Variants in MBD5 observed in about 807,000 individuals in gnomAD.
MBD5 encodes the protein methyl-CpG-binding domain protein 5.
MBD5 carries 13 observed loss-of-function variants against 117.3 expected under a neutral mutation model. That is an observed-to-expected ratio of 0.11 (90% CI 0.07 to 0.18). The LOEUF (loss-of-function observed/expected upper bound fraction) is 0.18. Ranked by LOEUF, MBD5 falls within the 10% of genes least tolerant of loss-of-function variation. The pLI, the probability that MBD5 is intolerant of heterozygous loss-of-function variation, is 1.00. For missense variants in MBD5, 1,879 were observed against 2,093.8 expected (o/e 0.90, Z 2.00); for synonymous variants, 727 against 766.4 (o/e 0.95, Z 0.85).
chr2:148,226,392 T>A (rs1334784054), intron 2 of MBD5, among the ~76,000 whole-genome samples: 1 of 152,172 alleles, frequency 6.6e-6, no homozygotes, highest in African/African-American at 2.4e-5. Context: ...GATAGTTTGC[T>A]GAGAATGATG....
chr2:148,302,451 T>C (rs1574260390), intron 3 of MBD5, among the ~76,000 whole-genome samples: 1 of 152,336 alleles, frequency 6.6e-6, no homozygotes, highest in South Asian at 2.1e-4. Flanking sequence ...CAATATTTTC[T>C]CCATGCTTCT....
chr2:148,280,131 C>CAGAAAAAAAAAAAAAA (rs1701208825), intron 3 of MBD5, among the ~76,000 whole-genome samples: 1 of 91,886 alleles, frequency 1.1e-5, no homozygotes, highest in African/African-American at 4.0e-5. Context: ...AAACTAACTG[C>CAGAAAAAAAAAAAAAA]AAAAAAAAAA....
At chr2:148,200,232 A>G (rs779802526) in intron 2 of MBD5, among the ~76,000 whole-genome samples, 2 of 150,232 alleles carry the variant, frequency 1.3e-5, no homozygotes, top group African/African-American at 4.9e-5. Context: ...TGTAATCTAC[A>G]TATTTATTGT....
At chr2:148,200,144 C>T (rs1296471474) in intron 2 of MBD5, among the ~76,000 whole-genome samples, 1 of 152,064 alleles carries the variant, frequency 6.6e-6, no homozygotes, top group Non-Finnish European at 1.5e-5. Flanking sequence ...ATTACTCTGA[C>T]CATTCTATTT....
chr2:148,155,575 TG>T (rs144740496), intron 1 of MBD5, among the ~76,000 whole-genome samples: 1,871 of 152,346 alleles, frequency 0.012, 43 homozygotes, highest in African/African-American at 0.043. Flanking sequence ...CTTCTGCCTA[TG>T]CTCTTCTTCA....
chr2:148,279,982 G>A (rs1430656850), intron 3 of MBD5, among the ~76,000 whole-genome samples: 1 of 151,688 alleles, frequency 6.6e-6, no homozygotes, highest in African/African-American at 2.4e-5. Flanking sequence ...TTGTGGTTTT[G>A]TTTAGTTAAT....
chr2:148,239,031 C>CACACGT (rs1558986081), intron 3 of MBD5, among the ~76,000 whole-genome samples: 1 of 149,408 alleles, frequency 6.7e-6, no homozygotes, highest in Non-Finnish European at 1.5e-5. Flanking sequence ...CACACACACA[C>CACACGT]GTGTGTGTGT....
rs79385641 is a variant in MBD5, at chr2:148,257,135, C to T, written c.-680+23740C>T. Among the ~76,000 whole-genome samples, 493 of 152,280 alleles carry T rather than the reference C, an allele frequency of 3.2e-3. 3 individuals are homozygous for T. Among genetic ancestry groups the T allele is most frequent in the South Asian group, 6.8e-3 (33 of 4,828 alleles). ...TCCATAGTTGGGACCAAAAGCCTACCGGTGTTCTCAAGTGCTCTGTGCACT... is the reference window on the plus strand; with the variant it reads ...TCCATAGTTGGGACCAAAAGCCTACTGGTGTTCTCAAGTGCTCTGTGCACT... On this transcript the variant is annotated intron_variant, in intron 3 of 13. Transcript: ENST00000642680.
At chr2:148,209,123 A>C (rs1699357534) in intron 2 of MBD5, among the ~76,000 whole-genome samples, 1 of 152,168 alleles carries the variant, frequency 6.6e-6, no homozygotes, top group African/African-American at 2.4e-5. Context: ...TCTAAAACTG[A>C]TTATGTTGAC....
At chr2:148,087,697 G>A (rs1327683427) in intron 1 of MBD5, among the ~76,000 whole-genome samples, 1 of 152,156 alleles carries the variant, frequency 6.6e-6, no homozygotes, top group Non-Finnish European at 1.5e-5. Context: ...TTGCCCCATG[G>A]TGCAAAAGAA....
At chr2:148,168,095 C>G (rs1429044373) in intron 1 of MBD5, among the ~76,000 whole-genome samples, 4 of 151,974 alleles carry the variant, frequency 2.6e-5, no homozygotes, top group Non-Finnish European at 5.9e-5. Context: ...GTATTTTTTT[C>G]TTGTTTGCTC....
intron 8 of MBD5, among the ~76,000 whole-genome samples, chr2:148,482,194 A>G (rs1311298172): frequency 1.3e-5 from 2 of 152,182 alleles, no homozygotes; most frequent in African/African-American, 2.4e-5. Flanking sequence ...TTGTCCCTGG[A>G]ATTTCACTTT....
chr2:148,074,484 G>GTTTTTTTTTTTTTT (rs777885277), intron 1 of MBD5, among the ~76,000 whole-genome samples: 1 of 123,154 alleles, frequency 8.1e-6, no homozygotes, highest in African/African-American at 3.6e-5. Context: ...GGAATAGTTT[G>GTTTTTTTTTTTTTT]TTTTTTTTTT....
At chr2:148,230,456 C>G (rs1378434428) in intron 2 of MBD5, among the ~76,000 whole-genome samples, 4 of 151,898 alleles carry the variant, frequency 2.6e-5, no homozygotes, top group Non-Finnish European at 4.4e-5. Flanking sequence ...AGGCTGTCCT[C>G]TGACCCAGAG....
At chr2:148,226,908 C>A (rs1044678053) in intron 2 of MBD5, among the ~76,000 whole-genome samples, 1 of 152,160 alleles carries the variant, frequency 6.6e-6, no homozygotes, top group Non-Finnish European at 1.5e-5. Context: ...GCATAAATGT[C>A]TTCTTTTGAG....
intron 3 of MBD5, among the ~76,000 whole-genome samples, chr2:148,275,775 T>A (rs919386318): frequency 6.6e-6 from 1 of 152,216 alleles, no homozygotes; most frequent in East Asian, 1.9e-4. Context: ...ATCACTTTTT[T>A]TTTTTGGCTC....
intron 1 of MBD5, among the ~76,000 whole-genome samples, chr2:148,130,547 G>A (rs1697018822): frequency 1.9e-5 from 2 of 102,666 alleles, no homozygotes; most frequent in Non-Finnish European, 4.3e-5. Context: ...AATACTGGCT[G>A]TGTGATATTA....
chr2:148,311,600 C>G (rs1213563686), intron 3 of MBD5, among the ~76,000 whole-genome samples: 7 of 152,160 alleles, frequency 4.6e-5, no homozygotes, highest in African/African-American at 1.4e-4. Context: ...GACTCTTTCT[C>G]CAATTTGCCA....
At chr2:148,108,788 A>G (rs1223317054) in intron 1 of MBD5, among the ~76,000 whole-genome samples, 1 of 152,188 alleles carries the variant, frequency 6.6e-6, no homozygotes, top group African/African-American at 2.4e-5. Flanking sequence ...AGTCTATCAT[A>G]CAGCTTGTAA....
Sources: gnomAD v4.1 joint callset for allele counts (sites outside exome capture counted in the v4.1 genomes callset) on GRCh38, gnomAD v4.1.1 for gene constraint, MANE v1.5 for transcripts, NCBI Gene and HGNC (gene_info 2026-07-23, HGNC 2026-07-21) for gene names.